ATL2: variants seen among roughly 807,000 people sequenced by gnomAD.
The protein encoded by ATL2 is atlastin-2.
A neutral mutation model predicts 73.9 loss-of-function variants in ATL2; 31 were observed. That is an observed-to-expected ratio of 0.42 (90% CI 0.32 to 0.57). The LOEUF (loss-of-function observed/expected upper bound fraction) is 0.57. Ranked by LOEUF, ATL2 falls within the 20% of genes least tolerant of loss-of-function variation. The probability of loss-of-function intolerance (pLI) is 0.14; values close to 1 mark genes in which losing one functional copy is unlikely to be tolerated. For synonymous variants in ATL2, 291 were observed against 237.5 expected (o/e 1.23, Z -2.07); for missense variants, 738 against 702.6 (o/e 1.05, Z -0.57).
intron 2 of ATL2, among the ~76,000 whole-genome samples, chr2:38,335,122 T>G (rs1669278125): frequency 6.6e-6 from 1 of 151,362 alleles, no homozygotes; most frequent in Non-Finnish European, 1.5e-5. Flanking sequence ...ACAGCAACTG[T>G]AAGTCTCTCA....
At position 38,353,015 on chromosome 2, in the gene ATL2, C is replaced by T. The variant is rs114805892; in HGVS notation, c.119-9503G>A. On this transcript the variant is annotated intron_variant, in intron 1 of 12. Coordinates refer to ENST00000378954, the MANE Select transcript of ATL2 (RefSeq NM_001135673.4). ...AAGCTAAGAGAATCCAAAATCTCTA[C>T]AATGCATAACATTTAATATACAGTA... is the stretch of plus-strand genomic sequence containing the variant. Among the ~76,000 whole-genome samples the T allele has an allele frequency of 8.5e-4, 130 of 152,256 alleles. 2 individuals carry two copies. The highest frequency in any genetic ancestry group is 3.1e-3 in the African/African-American group (127 of 41,538).
intron 1 of ATL2, among the ~76,000 whole-genome samples, chr2:38,357,628 C>G (rs1299340213): frequency 8.8e-6 from 1 of 113,082 alleles, no homozygotes; most frequent in Non-Finnish European, 1.6e-5. Context: ...CTCCAGCCTG[C>G]GTGACAGAGC....
intron 2 of ATL2, among the ~76,000 whole-genome samples, chr2:38,336,730 T>C (rs1245078944): frequency 6.6e-6 from 1 of 152,236 alleles, no homozygotes; most frequent in Admixed American, 6.5e-5. Flanking sequence ...TCTCGTTTCT[T>C]CAACTACCAA....
intron 2 of ATL2, among the ~76,000 whole-genome samples, chr2:38,328,829 T>G (rs552490304): frequency 6.6e-6 from 1 of 151,536 alleles, no homozygotes; most frequent in African/African-American, 2.4e-5. Context: ...CAAGAACTGA[T>G]GAAATTGAAA....
At chr2:38,312,992 T>C (rs1159721314) in intron 7 of ATL2, among the ~76,000 whole-genome samples, 159 bp downstream of exon 7, 2 of 152,172 alleles carry the variant, frequency 1.3e-5, no homozygotes, top group African/African-American at 4.8e-5. Flanking sequence ...ATGCAACCAC[T>C]TTACTTTTCA....
chr2:38,329,838 A>G (rs888265084), intron 2 of ATL2, among the ~76,000 whole-genome samples: 1 of 152,144 alleles, frequency 6.6e-6, no homozygotes, highest in Non-Finnish European at 1.5e-5. Flanking sequence ...AGTCTAAAGA[A>G]AAAAAATCAG....
At chr2:38,323,507 A>T (rs1668439850) in intron 2 of ATL2, among the ~76,000 whole-genome samples, 1 of 151,864 alleles carries the variant, frequency 6.6e-6, no homozygotes. Flanking sequence ...CCCAGCCTGA[A>T]GTTTAAGTAT....
At chr2:38,325,689 CACACACCAGT>C (rs1558411950) in intron 2 of ATL2, among the ~76,000 whole-genome samples, 3 of 69,578 alleles carry the variant, frequency 4.3e-5, no homozygotes, top group African/African-American at 4.2e-4. Context: ...CACACACACA[CACACACCAGT>C]ACACACACAC....
At chr2:38,369,566 G>C (rs1203659871) in intron 1 of ATL2, among the ~76,000 whole-genome samples, 2 of 151,312 alleles carry the variant, frequency 1.3e-5, no homozygotes, top group Non-Finnish European at 2.9e-5. Flanking sequence ...GATTACAGTC[G>C]TGAGCCACCA....
At chr2:38,340,405 G>A (rs1005296224) in intron 2 of ATL2, among the ~76,000 whole-genome samples, 1 of 151,600 alleles carries the variant, frequency 6.6e-6, no homozygotes, top group Non-Finnish European at 1.5e-5. Flanking sequence ...ATAAGAATTA[G>A]AAGTGGGGGG....
chr2:38,332,492 C>T (rs1012913244), intron 2 of ATL2, among the ~76,000 whole-genome samples: 4 of 152,196 alleles, frequency 2.6e-5, no homozygotes, highest in African/African-American at 9.6e-5. Context: ...AGGCACGAGC[C>T]ACCATGCCCC....
chr2:38,313,055 C>A, intron 7 of ATL2, 96 bp downstream of exon 7: 1 of 771,150 alleles, frequency 1.3e-6, no homozygotes, highest in Non-Finnish European at 2.1e-6. Context: ...ATTCCAACGA[C>A]ACGTAAATAC....
Position 38,343,489 on chromosome 2 carries a change from G to T in ATL2, c.142C>A (p.Leu48Ile). 1 of 1,604,816 alleles carries T rather than the reference G, an allele frequency of 6.2e-7. No individual in the cohort carries two copies. Among genetic ancestry groups the T allele is most frequent in the Non-Finnish European group, 8.5e-7 (1 of 1,175,078 alleles). Residue 48 changes from leucine (L) to isoleucine (I), a missense_variant, in exon 2 of 13, where the codon CTA (leucine) becomes ATA (isoleucine). Leu to Ile is a conservative substitution (Grantham distance 5, BLOSUM62 2). Coordinates refer to ENST00000378954, the MANE Select transcript of ATL2 (RefSeq NM_001135673.4). ...TTCATAACCTCATCAGAATTTACTA[G>T]GTCATCATCTTCATAATTCTCACCT... ...SLGENYEDDD[L>I]VNSDEVMKKP...
chr2:38,357,157 G>A (rs1424379161), intron 1 of ATL2, among the ~76,000 whole-genome samples: 2 of 151,878 alleles, frequency 1.3e-5, no homozygotes, highest in African/African-American at 4.8e-5. Context: ...GTGAAACCCT[G>A]TCTCTACTAA....
rs111877064 is a variant in ATL2 at position 38,319,128 on chromosome 2, C to CAA, written c.364-111_364-110dup. 8 of 1,151,070 alleles carry CAA rather than the reference C, an allele frequency of 7.0e-6. No homozygotes were observed. The African/African-American group carries it at 1.2e-4, about 18-fold the overall frequency. The allele number at this position is 1,151,070 out of a possible 1,614,324, so 71.3% of individuals were successfully genotyped here. ...GATGGGGAAGCTAAACCCGGAAAGA[C>CAA]AAAAAAAACACTGTGTAACAAACAA... On this transcript the variant is annotated intron_variant, in intron 2 of 12. Coordinates refer to ENST00000378954, the MANE Select transcript of ATL2 (RefSeq NM_001135673.4).
At chr2:38,313,085 C>T (rs1218628348) in intron 7 of ATL2, 66 bp downstream of exon 7, 7 of 1,131,812 alleles carry the variant, frequency 6.2e-6, no homozygotes, top group Non-Finnish European at 9.2e-6. Flanking sequence ...GACCAGCAGT[C>T]CGGACAGCCC....
chr2:38,342,562 T>A (rs752928954), intron 2 of ATL2, among the ~76,000 whole-genome samples: 4 of 152,198 alleles, frequency 2.6e-5, no homozygotes, highest in African/African-American at 9.6e-5. Context: ...CAGAAGCCAC[T>A]CTAAGGAACT....
At chr2:38,364,287 A>AT (rs1351608190) in intron 1 of ATL2, among the ~76,000 whole-genome samples, 47 of 152,228 alleles carry the variant, frequency 3.1e-4, no homozygotes, top group African/African-American at 1.1e-3. Flanking sequence ...ATAAAATAAA[A>AT]ATAAAAGTAT....
At chr2:38,336,934 C>G (rs1292202949) in intron 2 of ATL2, among the ~76,000 whole-genome samples, 6 of 152,124 alleles carry the variant, frequency 3.9e-5, no homozygotes, top group Non-Finnish European at 8.8e-5. Context: ...GAGCGTCAAA[C>G]TTGAGTCTGA....
Sources: allele counts gnomAD v4.1 joint callset (sites outside exome capture counted in the v4.1 genomes callset), GRCh38; gene constraint gnomAD v4.1.1; transcripts MANE v1.5; gene names NCBI Gene and HGNC (gene_info 2026-07-23, HGNC 2026-07-21).